Variants in CNBD1 observed in about 807,000 individuals in gnomAD.
CNBD1 encodes the protein cyclic nucleotide-binding domain-containing protein 1.
In CNBD1, 71 loss-of-function variants were observed where a neutral mutation model predicts 54.4. The ratio of observed to expected loss-of-function variants is 1.30; its 90% CI spans 1.08 to 1.59. The LOEUF (loss-of-function observed/expected upper bound fraction) is 1.59. Ranked by LOEUF, CNBD1 falls within the 40% of genes most tolerant of loss-of-function variation. The probability of loss-of-function intolerance (pLI) is 0.00; values close to 1 mark genes in which losing one functional copy is unlikely to be tolerated. For missense variants in CNBD1, 659 were observed against 518.0 expected, an observed-to-expected ratio of 1.27 and a Z score of -2.64; for synonymous variants, 182 against 170.7, an observed-to-expected ratio of 1.07 and a Z score of -0.51.
At chr8:86,989,492 C>G (rs979249390) in intron 4 of CNBD1, among the ~76,000 whole-genome samples, 4 of 151,756 alleles carry the variant, frequency 2.6e-5, no homozygotes, top group African/African-American at 9.7e-5. Flanking sequence ...GCTCTGTTGC[C>G]CAGGCTAGAG....
chr8:86,984,213 G>A (rs1311703076), intron 4 of CNBD1, among the ~76,000 whole-genome samples: 1 of 152,174 alleles, frequency 6.6e-6, no homozygotes, highest in African/African-American at 2.4e-5. Context: ...ATGATATTGA[G>A]TCTGTGAGTG....
intron 4 of CNBD1, among the ~76,000 whole-genome samples, chr8:87,079,417 C>A (rs1288126841): frequency 6.6e-6 from 1 of 151,950 alleles, no homozygotes; most frequent in Non-Finnish European, 1.5e-5. Context: ...GTGGCAGTAC[C>A]ATTTTACATT....
chr8:87,142,972 C>T (rs1812401712), intron 4 of CNBD1, among the ~76,000 whole-genome samples: 1 of 152,052 alleles, frequency 6.6e-6, no homozygotes, highest in Non-Finnish European at 1.5e-5. Context: ...CAAAACAAAC[C>T]TAGTGTCTGT....
At chr8:87,255,998 TATATATATATA>T (rs1808005314) in intron 6 of CNBD1, among the ~76,000 whole-genome samples, 3 of 15,794 alleles carry the variant, frequency 1.9e-4, no homozygotes, top group African/African-American at 9.0e-4. Flanking sequence ...TATATATATA[TATATATATATA>T]TATATATTTT....
At chr8:87,034,249 C>T (rs1809857772) in intron 4 of CNBD1, among the ~76,000 whole-genome samples, 1 of 152,198 alleles carries the variant, frequency 6.6e-6, no homozygotes, top group African/African-American at 2.4e-5. Flanking sequence ...CTTGGGAGTG[C>T]TCCCAAGGTA....
intron 4 of CNBD1, among the ~76,000 whole-genome samples, chr8:86,967,083 T>G (rs1586168985): frequency 6.6e-6 from 1 of 152,146 alleles, no homozygotes; most frequent in Admixed American, 6.5e-5. Context: ...AGTCCCCACC[T>G]GACCCAGAAG....
chr8:87,296,584 T>C (rs1808879958), intron 8 of CNBD1, among the ~76,000 whole-genome samples: 1 of 148,580 alleles, frequency 6.7e-6, no homozygotes, highest in South Asian at 2.1e-4. Context: ...TTAGTATCTA[T>C]ATATATGTCT....
Position 87,127,014 on chromosome 8 carries a change from G to A in CNBD1, c.432-78979G>A, listed in dbSNP as rs1021418287. 5.9e-5 allele frequency among the ~76,000 whole-genome samples: 9 copies of A among 151,738 alleles called. No homozygotes were observed. In the East Asian group the frequency reaches 9.9e-4, roughly 17 times the overall value. On this transcript the variant is annotated intron_variant, in intron 4 of 10. Transcript: ENST00000518476. ...ATAGATGAGTGAAACAAATAGTGACGCAAACTCATCTATTCCCCTGTCTTT... is the reference window on the plus strand; with the variant it reads ...ATAGATGAGTGAAACAAATAGTGACACAAACTCATCTATTCCCCTGTCTTT...
At chr8:86,907,625 G>A (rs62528030) in intron 3 of CNBD1, among the ~76,000 whole-genome samples, 47,334 of 150,838 alleles carry the variant, frequency 0.31, 7,560 homozygotes, top group East Asian at 0.42. Context: ...CCAAGATTGC[G>A]CCACTGCACT....
intron 4 of CNBD1, among the ~76,000 whole-genome samples, chr8:87,193,265 A>G (rs1813650126): frequency 6.6e-6 from 1 of 152,232 alleles, no homozygotes; most frequent in African/African-American, 2.4e-5. Flanking sequence ...AAGAATGTGT[A>G]AACTCAAACA....
At chr8:87,390,049 A>G (rs533728712) in intron 2 of CNBD1, among the ~76,000 whole-genome samples, 22 of 151,292 alleles carry the variant, frequency 1.5e-4, no homozygotes, top group African/African-American at 5.1e-4. Flanking sequence ...AGCCATATGT[A>G]GAAAGCTGAA....
At chr8:87,016,382 T>C (rs1809356209) in intron 4 of CNBD1, among the ~76,000 whole-genome samples, 1 of 151,160 alleles carries the variant, frequency 6.6e-6, no homozygotes, top group South Asian at 2.1e-4. Flanking sequence ...TTTCAATAAA[T>C]GTAAGGTTTT....
intron 4 of CNBD1, among the ~76,000 whole-genome samples, chr8:87,102,674 C>T (rs559853543): frequency 5.3e-5 from 8 of 152,064 alleles, no homozygotes; most frequent in Middle Eastern, 3.4e-3. Context: ...AGTGCAGTGG[C>T]GCGATTTCGG....
In CNBD1 at chr8:86,951,581, C is replaced by CAAAAAAAAAAAAAAAAAAAAAAAAAAAAA. The variant is rs71275901; in HGVS notation, c.431+11837_431+11865dup. Among the ~76,000 whole-genome samples the CAAAAAAAAAAAAAAAAAAAAAAAAAAAAA allele has an allele frequency of 2.7e-4, 10 of 37,360 alleles. 5 individuals carry two copies. The highest frequency in any genetic ancestry group is 5.9e-4 in the African/African-American group (6 of 10,170). 24.5% of individuals were successfully genotyped at this position (37,360 alleles called of 152,430 possible). ...GGTGACAGAGCGAGGCTCCGTCTCA[C>CAAAAAAAAAAAAAAAAAAAAAAAAAAAAA]AAAAAAAAAAAAAAAAAAAAAAAAA... On this transcript the variant is annotated intron_variant, in intron 4 of 10. Coordinates refer to ENST00000518476, the MANE Select transcript of CNBD1 (RefSeq NM_173538.3).
At position 87,381,421 on chromosome 8, in the gene CNBD1, C is replaced by G. The variant is rs185374374; in HGVS notation, c.1304-1199C>G. On this transcript the variant is annotated intron_variant, in intron 10 of 10. Transcript: ENST00000518476. ...GTGGAGAAATTGGACTTTTTGCACT[C>G]TGTTAATGGGAGCACAAAATGATGT... 3.9e-3 allele frequency among the ~76,000 whole-genome samples: 591 copies of G among 151,948 alleles called. 8 individuals carry two copies. The highest frequency in any genetic ancestry group is 0.013 in the African/African-American group (557 of 41,504).
At chr8:86,919,407 G>A (rs1463177651) in intron 3 of CNBD1, among the ~76,000 whole-genome samples, 2 of 152,202 alleles carry the variant, frequency 1.3e-5, no homozygotes, top group Non-Finnish European at 2.9e-5. Context: ...AAACAAGGGA[G>A]CAAAGTGTAG....
intron 10 of CNBD1, among the ~76,000 whole-genome samples, chr8:87,364,862 T>G (rs949273153): frequency 6.6e-6 from 1 of 152,180 alleles, no homozygotes; most frequent in Non-Finnish European, 1.5e-5. Flanking sequence ...ATGGTGTATG[T>G]GTACCACAAT....
chr8:87,370,584 T>C (rs1218331452), intron 10 of CNBD1, among the ~76,000 whole-genome samples: 3 of 152,158 alleles, frequency 2.0e-5, no homozygotes, highest in South Asian at 2.1e-4. Context: ...GTTTGTTTTT[T>C]TCTTGTAAAT....
intron 4 of CNBD1, 57 bp from the exon 5 acceptor site, chr8:87,205,936 T>C (rs1404411577): frequency 1.7e-5 from 23 of 1,323,338 alleles, no homozygotes; most frequent in Non-Finnish European, 2.2e-5. Context: ...AAGGATCTGT[T>C]TGTTTCTTTG....
Sources: allele counts gnomAD v4.1 joint callset (sites outside exome capture counted in the v4.1 genomes callset), GRCh38; gene constraint gnomAD v4.1.1; transcripts MANE v1.5; gene names NCBI Gene and HGNC (gene_info 2026-07-23, HGNC 2026-07-21).